TEK: variants seen among roughly 807,000 people sequenced by gnomAD.
TEK encodes the protein angiopoietin-1 receptor.
Under a neutral mutation model 131.8 loss-of-function variants are expected in TEK, and 43 were observed. That is an observed-to-expected ratio of 0.33 (90% CI 0.26 to 0.42). The LOEUF (loss-of-function observed/expected upper bound fraction) is 0.42, where lower values mean the gene tolerates loss of function less well. Among genes scored for constraint, TEK ranks in the 10% least tolerant of loss-of-function variants. The probability of loss-of-function intolerance (pLI) is 1.00; values close to 1 mark genes in which losing one functional copy is unlikely to be tolerated. For synonymous variants in TEK, 580 were observed against 491.6 expected, an observed-to-expected ratio of 1.18 and a Z score of -2.38; for missense variants, 1,162 against 1,384.4, an observed-to-expected ratio of 0.84 and a Z score of 2.55.
rs778860734 is a variant in TEK, at chr9:27,229,214, T to G, written c.3357T>G (p.Ser1119=). ...EKFTYAGIDC[S]AEEAA is the part of the protein sequence containing the mutation. ...TTACTTATGCAGGAATTGACTGTTCTGCTGAAGAAGCGGCCTAGGACAGAA... is the reference window on the plus strand; with the variant it reads ...TTACTTATGCAGGAATTGACTGTTCGGCTGAAGAAGCGGCCTAGGACAGAA... Residue 1119 remains serine (S), a synonymous_variant, in exon 23 of 23, where the codon TCT becomes TCG. Transcript: ENST00000380036. 1 of 1,613,876 alleles carries G rather than the reference T, an allele frequency of 6.2e-7. No homozygotes were observed. The highest frequency in any genetic ancestry group is 2.2e-5 in the East Asian group (1 of 44,886).
chr9:27,192,730 G>A (rs1824869673), intron 11 of TEK, 107 bp downstream of exon 11: 1 of 939,108 alleles, frequency 1.1e-6, no homozygotes, highest in Admixed American at 2.0e-5. Context: ...TGGGTGGGTG[G>A]GGATGGAGGT....
chr9:27,149,156 C>T (rs1488692506), intron 1 of TEK, among the ~76,000 whole-genome samples: 1 of 152,140 alleles, frequency 6.6e-6, no homozygotes, highest in Non-Finnish European at 1.5e-5. Flanking sequence ...TTATGGAATA[C>T]CTATTATAAA....
rs1265050290 is a variant in TEK at position 27,172,473 on chromosome 9, T to C, written c.629-143T>C. On this transcript the variant is annotated intron_variant, in intron 4 of 22. Coordinates refer to ENST00000380036, the MANE Select transcript of TEK (RefSeq NM_000459.5). ...TTACATGTCTGTCTCCCATATTAGA[T>C]GATGAGCTTTTAGAGAGCAGAGCCT... The C allele has an allele frequency of 3.5e-5, 41 of 1,171,922 alleles. No individual in the cohort carries two copies. In the South Asian group the frequency reaches 4.9e-4, roughly 14 times the overall value. 72.6% of individuals were successfully genotyped at this position (1,171,922 alleles called of 1,614,324 possible).
chr9:27,196,477 C>T (rs770747159), intron 11 of TEK, among the ~76,000 whole-genome samples: 10 of 152,146 alleles, frequency 6.6e-5, no homozygotes, highest in Non-Finnish European at 1.3e-4. Context: ...TTAAAAGGTG[C>T]CCTTTAGCGC....
intron 21 of TEK, among the ~76,000 whole-genome samples, chr9:27,222,094 C>T (rs1826107700): frequency 1.3e-5 from 2 of 152,124 alleles, no homozygotes; most frequent in Admixed American, 1.3e-4. Flanking sequence ...TAGAAGCATA[C>T]ACAAGTATCA....
At chr9:27,221,707 G>C (rs757443349) in intron 21 of TEK, among the ~76,000 whole-genome samples, 15 of 152,138 alleles carry the variant, frequency 9.9e-5, no homozygotes, top group Admixed American at 5.2e-4. Flanking sequence ...AAACAGAAAG[G>C]AATAGTATCA....
At chr9:27,120,113 G>A (rs1821725057) in intron 1 of TEK, among the ~76,000 whole-genome samples, 1 of 152,206 alleles carries the variant, frequency 6.6e-6, no homozygotes, top group South Asian at 2.1e-4. Context: ...AATCGAAGAA[G>A]ACGGTGGTGG....
rs147438141 is a variant in TEK at position 27,171,049 on chromosome 9, T to C, written c.628+1420T>C. ...TCCTGTAAATCCCACACTTCCCAGG[T>C]CATTTAACTCTTATGTGTGATTTTT... is the stretch of plus-strand genomic sequence containing the variant. On this transcript the variant is annotated intron_variant, in intron 4 of 22. Coordinates refer to ENST00000380036, the MANE Select transcript of TEK (RefSeq NM_000459.5). Among the ~76,000 whole-genome samples, 1,393 of 152,292 alleles carry C rather than the reference T, an allele frequency of 9.1e-3. 21 individuals are homozygous for C. The highest frequency in any genetic ancestry group is 0.031 in the African/African-American group (1,306 of 41,548).
intron 2 of TEK, among the ~76,000 whole-genome samples, chr9:27,164,481 G>T (rs560286857): frequency 6.6e-6 from 1 of 151,852 alleles, no homozygotes; most frequent in Admixed American, 6.6e-5. Flanking sequence ...TACCACGCCC[G>T]GCTAATTTTT....
At chr9:27,195,896 C>G (rs1441322495) in intron 11 of TEK, among the ~76,000 whole-genome samples, 1 of 152,098 alleles carries the variant, frequency 6.6e-6, no homozygotes, top group African/African-American at 2.4e-5. Context: ...ATTTTAAAAC[C>G]CATATTGTTT....
At chr9:27,177,556 G>A (rs1312216564) in intron 6 of TEK, among the ~76,000 whole-genome samples, 1 of 152,188 alleles carries the variant, frequency 6.6e-6, no homozygotes, top group African/African-American at 2.4e-5. Context: ...TTCGAGACCA[G>A]CCTGACCAAC....
intron 1 of TEK, among the ~76,000 whole-genome samples, chr9:27,151,599 C>G (rs955801747): frequency 1.3e-5 from 2 of 152,158 alleles, no homozygotes; most frequent in Admixed American, 1.3e-4. Context: ...ATAAAGTTTA[C>G]CATTATGGTG....
In TEK at chr9:27,228,346, C is replaced by G. The variant is rs756009902; in HGVS notation, c.3300+41C>G. On this transcript the variant is annotated intron_variant, in intron 22 of 22. Transcript: ENST00000380036. ...AGGCAGGAGATCTTTAATTGGAATACCTGATGTGCCCAGGGTGGTTCATAA... is the reference window on the plus strand; with the variant it reads ...AGGCAGGAGATCTTTAATTGGAATAGCTGATGTGCCCAGGGTGGTTCATAA... 24 of 1,450,898 alleles carry G rather than the reference C, an allele frequency of 1.7e-5. No homozygotes were observed. In the South Asian group the frequency reaches 2.5e-4, roughly 15 times the overall value. The allele number at this position is 1,450,898 out of a possible 1,614,324, so 89.9% of individuals were successfully genotyped here.
At position 27,146,243 on chromosome 9, in the gene TEK, T is replaced by C. The variant is rs79107750; in HGVS notation, c.53-11588T>C. ...TTGCCATATCTTTGCATATTTTTAC[T>C]GGTAAATATGAAAGATACATTTTTA... On this transcript the variant is annotated intron_variant, in intron 1 of 22. Coordinates refer to ENST00000380036, the MANE Select transcript of TEK (RefSeq NM_000459.5). Among the ~76,000 whole-genome samples the C allele has an allele frequency of 7.3e-3, 1,110 of 152,332 alleles. 11 individuals carry two copies. Among genetic ancestry groups the C allele is most frequent in the Non-Finnish European group, 0.013 (851 of 68,026 alleles).
chr9:27,177,145 A>G (rs1824199601), intron 6 of TEK, among the ~76,000 whole-genome samples: 1 of 152,240 alleles, frequency 6.6e-6, no homozygotes, highest in African/African-American at 2.4e-5. Flanking sequence ...CAATGCTGCA[A>G]TGGACATGAG....
At chr9:27,111,632 C>T (rs1472130083) in intron 1 of TEK, among the ~76,000 whole-genome samples, 2 of 151,530 alleles carry the variant, frequency 1.3e-5, no homozygotes, top group African/African-American at 2.4e-5. Context: ...CTCTCAGAAG[C>T]TCCTTACAAA....
At position 27,166,999 on chromosome 9, in the gene TEK, T is replaced by C. The variant is rs551301194; in HGVS notation, c.365-1496T>C. 7.0e-4 allele frequency among the ~76,000 whole-genome samples: 107 copies of C among 152,322 alleles called. 1 individual carries two copies. Among genetic ancestry groups the C allele is most frequent in the Non-Finnish European group, 6.5e-4 (44 of 68,030 alleles). ...TCTCTTCCTTTAGTGGTGATCCTTA[T>C]ATTGTTAACATTGGCTTAACTTAAA... On this transcript the variant is annotated intron_variant, in intron 2 of 22. Coordinates refer to ENST00000380036, the MANE Select transcript of TEK (RefSeq NM_000459.5).
intron 6 of TEK, 38 bp downstream of exon 6, chr9:27,173,400 A>G (rs1275287389): frequency 1.2e-6 from 2 of 1,613,088 alleles, no homozygotes; most frequent in Non-Finnish European, 8.5e-7. Context: ...AGGATGTTCT[A>G]GCAGGTATAT....
chr9:27,184,132 A>G (rs75035374), intron 8 of TEK, among the ~76,000 whole-genome samples: 11,789 of 152,232 alleles, frequency 0.077, 597 homozygotes, highest in South Asian at 0.11. Flanking sequence ...TTCTGAAACT[A>G]CAATCCACGG....
Sources: allele counts gnomAD v4.1 joint callset (sites outside exome capture counted in the v4.1 genomes callset), GRCh38; gene constraint gnomAD v4.1.1; transcripts MANE v1.5; gene names NCBI Gene and HGNC (gene_info 2026-07-23, HGNC 2026-07-21).